MYO3A: variants seen among roughly 807,000 people sequenced by gnomAD.
The protein encoded by MYO3A is myosin IIIA.
Under a neutral mutation model 192.7 loss-of-function variants are expected in MYO3A, and 180 were observed. The ratio of observed to expected loss-of-function variants is 0.93; its 90% confidence interval spans 0.83 to 1.06. MYO3A has a LOEUF of 1.06. Ranked by LOEUF, MYO3A falls within the 50% of genes least tolerant of loss-of-function variation. MYO3A has a pLI of 0.00. For missense variants in MYO3A, 1,896 were observed against 1,905.0 expected, an observed-to-expected ratio of 1.00 and a Z score of 0.09; for synonymous variants, 628 against 645.3, an observed-to-expected ratio of 0.97 and a Z score of 0.41.
chr10:25,989,695 T>A (rs1207597409), intron 4 of MYO3A, among the ~76,000 whole-genome samples: 1 of 152,208 alleles, frequency 6.6e-6, no homozygotes, highest in Non-Finnish European at 1.5e-5. Flanking sequence ...CAAAATGTAC[T>A]ATAAGTGTTC....
intron 14 of MYO3A, among the ~76,000 whole-genome samples, chr10:26,081,134 C>T (rs905753974): frequency 6.1e-5 from 2 of 32,832 alleles, no homozygotes; most frequent in Admixed American, 2.2e-4. Context: ...ATATGCCCTT[C>T]CCCCCCCCCC....
intron 30 of MYO3A, among the ~76,000 whole-genome samples, 192 bp downstream of exon 30, chr10:26,174,749 A>G (rs78964464): frequency 6.6e-6 from 1 of 152,220 alleles, no homozygotes; most frequent in Non-Finnish European, 1.5e-5. Flanking sequence ...TACCGTGGTA[A>G]CAATAGTATA....
intron 6 of MYO3A, among the ~76,000 whole-genome samples, chr10:26,011,886 A>G (rs757334036): frequency 2.0e-5 from 3 of 152,236 alleles, no homozygotes; most frequent in Non-Finnish European, 2.9e-5. Context: ...CAGCACGTCA[A>G]GAAGATAATT....
chr10:25,995,449 A>G (rs1840364745), intron 4 of MYO3A, among the ~76,000 whole-genome samples: 1 of 152,168 alleles, frequency 6.6e-6, no homozygotes, highest in South Asian at 2.1e-4. Flanking sequence ...GATGGATTCG[A>G]ACTTCCTCCT....
chr10:26,128,502 G>A lies in MYO3A; in HGVS notation c.2226G>A (p.Gln742=). 1.2e-6 allele frequency: 2 copies of A among 1,612,606 alleles called. No individual in the cohort carries two copies. The highest frequency in any genetic ancestry group is 2.2e-5 in the South Asian group (2 of 91,038). ...TTAACATTGCAAATGAACAAATTCA[G>A]TATTATTATAATCAACATGTGTTTG... ...LCINIANEQI[Q]YYYNQHVFAW... is the part of the protein sequence containing the mutation. Residue 742 remains glutamine (Q), a synonymous_variant, in exon 20 of 35, where the codon CAG becomes CAA. Coordinates refer to ENST00000642920, the MANE Select transcript of MYO3A (RefSeq NM_017433.5).
intron 14 of MYO3A, among the ~76,000 whole-genome samples, chr10:26,072,281 C>T (rs1835252961): frequency 6.6e-6 from 1 of 152,024 alleles, no homozygotes; most frequent in Admixed American, 6.5e-5. Flanking sequence ...CAGAGCCAAA[C>T]CATATCAATA....
chr10:26,122,634 C>A (rs1300430502), intron 18 of MYO3A, among the ~76,000 whole-genome samples: 1 of 152,134 alleles, frequency 6.6e-6, no homozygotes, highest in African/African-American at 2.4e-5. Context: ...CTCCACAATT[C>A]TTTCAGAAAC....
At chr10:25,960,884 C>G (rs190116456) in intron 4 of MYO3A, among the ~76,000 whole-genome samples, 322 of 152,190 alleles carry the variant, frequency 2.1e-3, no homozygotes, top group African/African-American at 7.2e-3. Flanking sequence ...TTTTATTTCT[C>G]TAGTTTGAGA....
chr10:26,203,479 G>A (rs1364983810), intron 34 of MYO3A, among the ~76,000 whole-genome samples: 1 of 152,002 alleles, frequency 6.6e-6, no homozygotes, highest in Admixed American at 6.6e-5. Context: ...ATTACTCATT[G>A]GTTTCTTAAT....
chr10:26,172,982 G>C (rs1383857004), intron 29 of MYO3A, among the ~76,000 whole-genome samples: 1 of 151,892 alleles, frequency 6.6e-6, no homozygotes, highest in Non-Finnish European at 1.5e-5. Flanking sequence ...AAGGTGTCAT[G>C]GTATGACATT....
At chr10:26,038,233 G>C (rs971960907) in intron 10 of MYO3A, among the ~76,000 whole-genome samples, 4 of 152,122 alleles carry the variant, frequency 2.6e-5, no homozygotes, top group African/African-American at 9.7e-5. Context: ...TACTATTTCT[G>C]TGAAGAATGT....
Position 26,120,783 on chromosome 10 carries a change from T to G in MYO3A, c.1884T>G (p.Asn628Lys). The stretch of plus-strand genomic sequence containing the variant: ...AGATTGACAAGAGCCACATTTCTAA[T>G]CATACAGCCCTGGAGAACTGTAAGT... ...EHQIDKSHIS[N>K]HTALENCASL... Residue 628 changes from asparagine (N) to lysine (K), a missense_variant, in exon 18 of 35, where the codon AAT (asparagine) becomes AAG (lysine). Coordinates refer to ENST00000642920, the MANE Select transcript of MYO3A (RefSeq NM_017433.5). 1 of 1,614,088 alleles carries G rather than the reference T, an allele frequency of 6.2e-7. No individual in the cohort carries two copies. Among genetic ancestry groups the G allele is most frequent in the Non-Finnish European group, 8.5e-7 (1 of 1,179,988 alleles).
chr10:26,188,094 T>C (rs1259998865), intron 31 of MYO3A, among the ~76,000 whole-genome samples: 2 of 152,182 alleles, frequency 1.3e-5, no homozygotes, highest in Non-Finnish European at 2.9e-5. Context: ...TTGAACTAGT[T>C]TACAGTCCCA....
At chr10:26,007,430 G>A (rs1391481452) in intron 6 of MYO3A, among the ~76,000 whole-genome samples, 1 of 149,988 alleles carries the variant, frequency 6.7e-6, no homozygotes. Context: ...TAGGAAAAGA[G>A]GAAGTCAAAT....
At chr10:26,133,151 A>G (rs932210204) in intron 20 of MYO3A, among the ~76,000 whole-genome samples, 4 of 152,222 alleles carry the variant, frequency 2.6e-5, no homozygotes, top group African/African-American at 9.6e-5. Flanking sequence ...CTATTAAGTC[A>G]TATGTGTGCA....
chr10:26,191,181 C>T (rs1843109189), intron 31 of MYO3A, among the ~76,000 whole-genome samples: 1 of 152,098 alleles, frequency 6.6e-6, no homozygotes, highest in Admixed American at 6.5e-5. Context: ...ATGACAAATG[C>T]ATTTTGAAAT....
intron 31 of MYO3A, among the ~76,000 whole-genome samples, chr10:26,184,505 A>T (rs1475846030): frequency 6.6e-6 from 1 of 152,252 alleles, no homozygotes; most frequent in Non-Finnish European, 1.5e-5. Context: ...TGTATACTTA[A>T]GTAAAACAGT....
intron 17 of MYO3A, among the ~76,000 whole-genome samples, chr10:26,113,225 C>T (rs545584608): frequency 1.3e-5 from 2 of 152,224 alleles, no homozygotes; most frequent in East Asian, 3.9e-4. Context: ...AATCCTAGCA[C>T]TTTGGGAGAC....
intron 20 of MYO3A, among the ~76,000 whole-genome samples, chr10:26,141,375 A>G (rs140169387): frequency 9.3e-4 from 141 of 152,330 alleles, no homozygotes; most frequent in African/African-American, 3.3e-3. Context: ...TAATTTTGCT[A>G]TAAGTATTTT....
Sources: gnomAD v4.1 joint callset for allele counts (sites outside exome capture counted in the v4.1 genomes callset) on GRCh38, gnomAD v4.1.1 for gene constraint, MANE v1.5 for transcripts, NCBI Gene and HGNC (gene_info 2026-07-23, HGNC 2026-07-21) for gene names.